Variants in ZNF407 observed in about 807,000 individuals in gnomAD.
The protein encoded by ZNF407 is zinc finger protein 407.
A neutral mutation model predicts 131.2 loss-of-function variants in ZNF407; 17 were observed. The observed-to-expected ratio is 0.13, with a 90% CI of 0.09 to 0.19. The LOEUF is 0.19. Ranked by LOEUF, ZNF407 falls within the 10% of genes least tolerant of loss-of-function variation. The pLI is 1.00. For missense variants in ZNF407, 2,681 were observed against 2,830.6 expected, an observed-to-expected ratio of 0.95 and a Z score of 1.20; for synonymous variants, 1,156 against 1,062.0, an observed-to-expected ratio of 1.09 and a Z score of -1.72.
At chr18:74,647,840 G>C (rs964302798) in intron 3 of ZNF407, among the ~76,000 whole-genome samples, 2 of 152,282 alleles carry the variant, frequency 1.3e-5, no homozygotes, top group Middle Eastern at 3.4e-3. Context: ...AGAACACAAG[G>C]CTGGGAGGAC....
At chr18:74,922,669 G>T (rs866546539) in intron 8 of ZNF407, among the ~76,000 whole-genome samples, 8 of 152,192 alleles carry the variant, frequency 5.3e-5, no homozygotes, top group Admixed American at 2.0e-4. Context: ...TATAACTGCA[G>T]TTACGTGATG....
chr18:74,980,628 CTACTAAGAATTCTT>C (rs1972580949), intron 8 of ZNF407, among the ~76,000 whole-genome samples: 1 of 152,124 alleles, frequency 6.6e-6, no homozygotes, highest in South Asian at 2.1e-4. Flanking sequence ...TTCTAATTCT[CTACTAAGAATTCTT>C]TACTAAGAAT....
intron 8 of ZNF407, among the ~76,000 whole-genome samples, chr18:75,059,948 T>C (rs568827527): frequency 2.6e-4 from 40 of 152,176 alleles, no homozygotes; most frequent in Non-Finnish European, 5.7e-4. Flanking sequence ...CTTCTGCAAA[T>C]TGGGAGGAGG....
intron 3 of ZNF407, among the ~76,000 whole-genome samples, chr18:74,746,001 C>T (rs558997013): frequency 9.2e-5 from 14 of 152,138 alleles, no homozygotes; most frequent in Admixed American, 3.3e-4. Context: ...ATGAGTTAGG[C>T]GATTTTGTTA....
At chr18:74,690,968 A>G (rs2144798336) in intron 3 of ZNF407, among the ~76,000 whole-genome samples, 1 of 152,334 alleles carries the variant, frequency 6.6e-6, no homozygotes, top group South Asian at 2.1e-4. Context: ...CTTCAAAAGA[A>G]GCTGAACTTT....
intron 8 of ZNF407, among the ~76,000 whole-genome samples, chr18:75,042,680 C>T (rs1973387273): frequency 6.6e-6 from 1 of 152,202 alleles, no homozygotes; most frequent in Non-Finnish European, 1.5e-5. Flanking sequence ...GCAAGCACAA[C>T]CAAGTTAGAG....
chr18:74,982,678 C>G (rs1456134177), intron 8 of ZNF407, among the ~76,000 whole-genome samples: 2 of 152,214 alleles, frequency 1.3e-5, no homozygotes, highest in Non-Finnish European at 2.9e-5. Flanking sequence ...TCTGTTTCCT[C>G]TCTTCATCCC....
chr18:74,828,256 G>A (rs1437499125), intron 4 of ZNF407, among the ~76,000 whole-genome samples: 4 of 152,170 alleles, frequency 2.6e-5, no homozygotes, highest in Non-Finnish European at 5.9e-5. Flanking sequence ...TAATTTTCAT[G>A]TATCACATTT....
rs771359911 is a variant in ZNF407 at position 74,671,608 on chromosome 18, A to G, written c.4802+30486A>G. On this transcript the variant is annotated intron_variant, in intron 3 of 8. Transcript: ENST00000299687. ...CTTTCACTTATAAGTGAGAACATGC[A>G]GCATTGGGTTTTCTGTTCCTGCTGC... 4.1e-4 allele frequency among the ~76,000 whole-genome samples: 63 copies of G among 152,284 alleles called. 1 individual carries two copies. The highest frequency in any genetic ancestry group is 3.4e-3 in the Middle Eastern group (1 of 294).
At chr18:74,625,370 G>A (rs1166726351) in intron 1 of ZNF407, among the ~76,000 whole-genome samples, 7 of 152,062 alleles carry the variant, frequency 4.6e-5, no homozygotes, top group Admixed American at 2.6e-4. Context: ...GTGTATGTGC[G>A]TACGTATGTA....
chr18:74,729,567 T>A (rs1296136399), intron 3 of ZNF407, among the ~76,000 whole-genome samples: 2 of 152,062 alleles, frequency 1.3e-5, no homozygotes, highest in Non-Finnish European at 2.9e-5. Flanking sequence ...TTGTTAAGTA[T>A]TTGTGAGGAG....
chr18:74,892,899 G>A (rs1013213182), intron 7 of ZNF407, among the ~76,000 whole-genome samples: 1 of 152,064 alleles, frequency 6.6e-6, no homozygotes, highest in Non-Finnish European at 1.5e-5. Context: ...TTTTAAAATG[G>A]CATTTCTAGA....
intron 3 of ZNF407, among the ~76,000 whole-genome samples, chr18:74,716,840 G>C (rs939615315): frequency 6.6e-6 from 1 of 152,154 alleles, no homozygotes; most frequent in South Asian, 2.1e-4. Flanking sequence ...GAAATAGATC[G>C]CATTTTAAAA....
At chr18:74,622,938 G>GTA (rs952421711) in intron 1 of ZNF407, among the ~76,000 whole-genome samples, 3 of 152,108 alleles carry the variant, frequency 2.0e-5, no homozygotes, top group Admixed American at 6.6e-5. Flanking sequence ...GAATGTGTGT[G>GTA]TATATATCTG....
intron 7 of ZNF407, among the ~76,000 whole-genome samples, chr18:74,911,171 A>G (rs146913835): frequency 1.6e-3 from 244 of 151,950 alleles, no homozygotes; most frequent in African/African-American, 5.6e-3. Context: ...TTCTCTGCCA[A>G]TATGTCATAT....
At chr18:75,008,025 T>C (rs771384937) in intron 8 of ZNF407, among the ~76,000 whole-genome samples, 2 of 152,150 alleles carry the variant, frequency 1.3e-5, no homozygotes, top group Non-Finnish European at 2.9e-5. Context: ...ATAAGTTTAG[T>C]GTGGCTAGTC....
intron 8 of ZNF407, among the ~76,000 whole-genome samples, chr18:75,057,135 G>A (rs1973571050): frequency 6.6e-6 from 1 of 152,086 alleles, no homozygotes; most frequent in African/African-American, 2.4e-5. Flanking sequence ...CTGGGCCTAC[G>A]AAAATATAAA....
chr18:74,983,010 T>A (rs1972610964), intron 8 of ZNF407, among the ~76,000 whole-genome samples: 1 of 152,220 alleles, frequency 6.6e-6, no homozygotes, highest in African/African-American at 2.4e-5. Context: ...ATGCTGCTAC[T>A]GTAATAGCTT....
intron 4 of ZNF407, among the ~76,000 whole-genome samples, chr18:74,791,083 G>A (rs1969817044): frequency 6.6e-6 from 1 of 152,134 alleles, no homozygotes; most frequent in African/African-American, 2.4e-5. Flanking sequence ...AGTACTCATA[G>A]GAGAAAACAA....
Sources: allele counts gnomAD v4.1 joint callset (sites outside exome capture counted in the v4.1 genomes callset), GRCh38; gene constraint gnomAD v4.1.1; transcripts MANE v1.5; gene names NCBI Gene and HGNC (gene_info 2026-07-23, HGNC 2026-07-21).